ADARB2: variants seen among roughly 807,000 people sequenced by gnomAD.
ADARB2 encodes the protein inactive double-stranded RNA-specific editase B2.
A neutral mutation model predicts 62.2 loss-of-function variants in ADARB2; 25 were observed. The observed-to-expected ratio is 0.40, with a 90% CI of 0.29 to 0.56. The LOEUF (loss-of-function observed/expected upper bound fraction) is 0.56. Ranked by LOEUF, ADARB2 falls within the 20% of genes least tolerant of loss-of-function variation. The pLI is 0.43. For missense variants in ADARB2, 1,071 were observed against 1,077.4 expected (o/e 0.99, Z 0.08); for synonymous variants, 572 against 500.8 (o/e 1.14, Z -1.90).
rs149572675 is a variant in ADARB2 at position 1,360,745 on chromosome 10, C to A, written c.1077+2283G>T. 2.5e-3 allele frequency among the ~76,000 whole-genome samples: 383 copies of A among 152,288 alleles called. 1 individual carries two copies. Among genetic ancestry groups the A allele is most frequent in the African/African-American group, 8.5e-3 (355 of 41,544 alleles). Reference sequence around the variant, plus strand: ...CCCGAAACCCTCGCGCTGCTCTGCGCCCTTCGTCATCCAGTCGGGGTGGTT... The same window carrying A: ...CCCGAAACCCTCGCGCTGCTCTGCGACCTTCGTCATCCAGTCGGGGTGGTT... On this transcript the variant is annotated intron_variant, in intron 3 of 9. Coordinates refer to ENST00000381312, the MANE Select transcript of ADARB2 (RefSeq NM_018702.4).
At position 1,510,488 on chromosome 10, in the gene ADARB2, T is replaced by C. The variant is rs528911153; in HGVS notation, c.101-131328A>G. ...TGAGCCACTGTGCAGGCACCAGAAGTGATTTCTGGCTGTTGTTTTCAACCA... is the reference window on the plus strand; with the variant it reads ...TGAGCCACTGTGCAGGCACCAGAAGCGATTTCTGGCTGTTGTTTTCAACCA... On this transcript the variant is annotated intron_variant, in intron 1 of 9. Transcript: ENST00000381312. 7.2e-5 allele frequency among the ~76,000 whole-genome samples: 11 copies of C among 152,284 alleles called. No individual in the cohort carries two copies. The South Asian group carries it at 2.3e-3, about 32-fold the overall frequency.
intron 3 of ADARB2, among the ~76,000 whole-genome samples, chr10:1,321,283 A>G (rs958738392): frequency 6.6e-6 from 1 of 152,184 alleles, no homozygotes; most frequent in Non-Finnish European, 1.5e-5. Context: ...TGTTGTCCTC[A>G]TCCGGAAGAT....
At chr10:1,298,898 C>A (rs1589183848) in intron 3 of ADARB2, among the ~76,000 whole-genome samples, 1 of 151,070 alleles carries the variant, frequency 6.6e-6, no homozygotes, top group Non-Finnish European at 1.5e-5. Flanking sequence ...CATCACCATG[C>A]CCGGTTAAGT....
At chr10:1,546,034 G>T (rs373743784) in intron 1 of ADARB2, among the ~76,000 whole-genome samples, 1 of 151,880 alleles carries the variant, frequency 6.6e-6, no homozygotes, top group Admixed American at 6.5e-5. Flanking sequence ...AAGCACCAAG[G>T]AGCTGAAACT....
At chr10:1,344,622 C>A (rs571998809) in intron 3 of ADARB2, among the ~76,000 whole-genome samples, 6 of 152,346 alleles carry the variant, frequency 3.9e-5, no homozygotes, top group South Asian at 2.1e-4. Flanking sequence ...GAGTCGCACA[C>A]GGACCCCATG....
chr10:1,277,906 G>A (rs538924239), intron 3 of ADARB2, among the ~76,000 whole-genome samples: 13 of 152,118 alleles, frequency 8.5e-5, no homozygotes, highest in African/African-American at 1.9e-4. Context: ...CTTATCCACC[G>A]TGATCAAGTG....
rs184709816 is a variant in ADARB2, at chr10:1,644,445, C to T, written c.100+92606G>A. 1.5e-4 allele frequency among the ~76,000 whole-genome samples: 23 copies of T among 152,340 alleles called. 1 individual carries two copies. Among genetic ancestry groups the T allele is most frequent in the African/African-American group, 7.2e-5 (3 of 41,580 alleles). ...GTCACCTCCCTTTGCTATCCAAGCTCGGTCGGGGGAGCAGGGAGAAGGAGA... is the reference window on the plus strand; with the variant it reads ...GTCACCTCCCTTTGCTATCCAAGCTTGGTCGGGGGAGCAGGGAGAAGGAGA... On this transcript the variant is annotated intron_variant, in intron 1 of 9. Transcript: ENST00000381312.
rs769233307 is a variant in ADARB2 at position 1,365,029 on chromosome 10, C to T, written c.188-1112G>A. On this transcript the variant is annotated intron_variant, in intron 2 of 9. Coordinates refer to ENST00000381312, the MANE Select transcript of ADARB2 (RefSeq NM_018702.4). ...CTGGGATTACAGGCACCCACCACCA[C>T]GCCTGGCTAATTTTTGTATTTTTTT... 4.4e-4 allele frequency among the ~76,000 whole-genome samples: 67 copies of T among 152,128 alleles called. 1 individual carries two copies. The highest frequency in any genetic ancestry group is 4.1e-3 in the Admixed American group (62 of 15,274).
intron 1 of ADARB2, among the ~76,000 whole-genome samples, chr10:1,402,598 T>C (rs1832674519): frequency 6.6e-6 from 1 of 152,146 alleles, no homozygotes; most frequent in Non-Finnish European, 1.5e-5. Context: ...GCGCACACTG[T>C]CATCGAGTCG....
At chr10:1,631,697 A>G (rs935348686) in intron 1 of ADARB2, among the ~76,000 whole-genome samples, 3 of 152,204 alleles carry the variant, frequency 2.0e-5, no homozygotes, top group Admixed American at 6.5e-5. Flanking sequence ...TGTGGGCTGC[A>G]GTGCAGGACC....
chr10:1,552,106 A>T (rs10736942), intron 1 of ADARB2, among the ~76,000 whole-genome samples: 87,589 of 152,144 alleles, frequency 0.58, 25,588 homozygotes, highest in East Asian at 0.76. Flanking sequence ...CCTGCCACCA[A>T]GTCATTATCA....
At chr10:1,646,158 T>C (rs1834038618) in intron 1 of ADARB2, among the ~76,000 whole-genome samples, 2 of 152,124 alleles carry the variant, frequency 1.3e-5, no homozygotes, top group South Asian at 4.1e-4. Context: ...CCCTGAGGGA[T>C]TTCCATTAGG....
chr10:1,200,254 C>T (rs867037006), intron 7 of ADARB2, 107 bp from the exon 8 acceptor site: 5 of 1,455,400 alleles, frequency 3.4e-6, no homozygotes, highest in South Asian at 1.2e-5. Flanking sequence ...GTCTTCCCAT[C>T]GTGCGGACCT....
At chr10:1,647,526 CATGT>C (rs1482603743) in intron 1 of ADARB2, among the ~76,000 whole-genome samples, 1 of 151,806 alleles carries the variant, frequency 6.6e-6, no homozygotes, top group Admixed American at 6.6e-5. Context: ...TATATGCATG[CATGT>C]GTGTTTATGT....
At chr10:1,472,754 C>T (rs571479881) in intron 1 of ADARB2, among the ~76,000 whole-genome samples, 28 of 152,026 alleles carry the variant, frequency 1.8e-4, no homozygotes, top group African/African-American at 6.3e-4. Flanking sequence ...GATGGGAGGG[C>T]CCTGCCTGGG....
At chr10:1,352,357 C>A (rs955350119) in intron 3 of ADARB2, among the ~76,000 whole-genome samples, 1 of 152,160 alleles carries the variant, frequency 6.6e-6, no homozygotes. Flanking sequence ...TAGCTGACCC[C>A]GTAGATCCTA....
intron 4 of ADARB2, among the ~76,000 whole-genome samples, chr10:1,269,094 C>A (rs1831234883): frequency 6.6e-6 from 1 of 151,646 alleles, no homozygotes; most frequent in African/African-American, 2.4e-5. Context: ...GTGGCTGGTG[C>A]CCCTCCCCTC....
chr10:1,612,968 A>G (rs1564347064), intron 1 of ADARB2, among the ~76,000 whole-genome samples: 1 of 152,222 alleles, frequency 6.6e-6, no homozygotes, highest in Non-Finnish European at 1.5e-5. Flanking sequence ...TTTTGATGAA[A>G]GCTGTTGATA....
intron 1 of ADARB2, among the ~76,000 whole-genome samples, chr10:1,601,251 T>C (rs909108567): frequency 1.3e-5 from 2 of 152,172 alleles, no homozygotes; most frequent in Admixed American, 1.3e-4. Context: ...CTGTGAGTGG[T>C]CACTGGAGCC....
Sources: gnomAD v4.1 joint callset for allele counts (sites outside exome capture counted in the v4.1 genomes callset) on GRCh38, gnomAD v4.1.1 for gene constraint, MANE v1.5 for transcripts, NCBI Gene and HGNC (gene_info 2026-07-23, HGNC 2026-07-21) for gene names.